DYRK1A: variants seen among roughly 807,000 people sequenced by gnomAD.
DYRK1A encodes dual specificity tyrosine phosphorylation regulated kinase 1A, also known as dual specificity tyrosine-phosphorylation-regulated kinase 1A.
Under a neutral mutation model 79.7 loss-of-function variants are expected in DYRK1A, and 9 were observed. The ratio of observed to expected loss-of-function variants is 0.11; its 90% CI spans 0.07 to 0.20. The LOEUF (loss-of-function observed/expected upper bound fraction) is 0.20. Ranked by LOEUF, DYRK1A falls within the 10% of genes least tolerant of loss-of-function variation. The pLI is 1.00. For missense variants in DYRK1A, 622 were observed against 956.0 expected (o/e 0.65, Z 4.61); for synonymous variants, 349 against 329.7 (o/e 1.06, Z -0.63).
intron 2 of DYRK1A, among the ~76,000 whole-genome samples, chr21:37,426,083 G>A (rs956264197): frequency 6.6e-6 from 1 of 152,168 alleles, no homozygotes; most frequent in African/African-American, 2.4e-5. Context: ...CTACACCAAG[G>A]AGACACTGCT....
In DYRK1A at chr21:37,480,663, G is replaced by T; in HGVS notation, c.326G>T (p.Arg109Ile). 6.3e-7 allele frequency: 1 copy of T among 1,592,884 alleles called. No individual in the cohort carries two copies. Among genetic ancestry groups the T allele is most frequent in the Non-Finnish European group, 8.5e-7 (1 of 1,173,650 alleles). The stretch of plus-strand genomic sequence containing the variant: ...GTTTACTATGCAAAAAAGAAGCGAA[G>T]ACACCAACAGGGCCAGGGAGACGAT... ...NEVYYAKKKR[R>I]HQQGQGDDSS... The change falls in exon 5 of 12, where the codon AGA becomes ATA. Residue 109 changes from arginine (R) to isoleucine (I), a missense_variant. Arg to Ile is a moderately conservative substitution (Grantham distance 97). Coordinates refer to ENST00000647188, the MANE Select transcript of DYRK1A (RefSeq NM_001347721.2).
At chr21:37,479,612 G>GTCTTTTTTT (rs2052542990) in intron 4 of DYRK1A, among the ~76,000 whole-genome samples, 1 of 47,160 alleles carries the variant, frequency 2.1e-5, no homozygotes, top group African/African-American at 8.6e-5. Flanking sequence ...TTTTGTTTTT[G>GTCTTTTTTT]TTTTTTGTTT....
intron 2 of DYRK1A, among the ~76,000 whole-genome samples, chr21:37,427,764 T>A (rs1297780599): frequency 6.6e-6 from 1 of 152,182 alleles, no homozygotes; most frequent in African/African-American, 2.4e-5. Flanking sequence ...TTCTGCACCC[T>A]AGGATCCTAG....
At chr21:37,420,025 G>C (rs907490172) in intron 1 of DYRK1A, 5 of 174,260 alleles carry the variant, frequency 2.9e-5, no homozygotes, top group African/African-American at 1.2e-4. Flanking sequence ...AGGTTTATTT[G>C]ATACCTAGAA....
At position 37,407,648 on chromosome 21, in the gene DYRK1A, C is replaced by T. The variant is rs951290563; in HGVS notation, c.-76-12651C>T. Among the ~76,000 whole-genome samples, 7 of 152,260 alleles carry T rather than the reference C, an allele frequency of 4.6e-5. No homozygotes were observed. The East Asian group carries it at 1.3e-3, about 29-fold the overall frequency. On this transcript the variant is annotated intron_variant, in intron 1 of 11. Transcript: ENST00000647188. The stretch of plus-strand genomic sequence containing the variant: ...AAATGAAATTGAAAATCTCTTAGCT[C>T]TAAGTATAACAAATTATGTGTTAAA...
At chr21:37,379,258 T>A (rs888342167) in intron 1 of DYRK1A, among the ~76,000 whole-genome samples, 2 of 152,138 alleles carry the variant, frequency 1.3e-5, no homozygotes, top group Non-Finnish European at 2.9e-5. Flanking sequence ...AGGACCATTC[T>A]AGATGTAATG....
rs569884633 is a variant in DYRK1A at position 37,444,932 on chromosome 21, G to A, written c.10+24548G>A. Among the ~76,000 whole-genome samples, 65 of 152,266 alleles carry A rather than the reference G, an allele frequency of 4.3e-4. No individual in the cohort carries two copies. The South Asian group carries it at 0.013, about 30-fold the overall frequency. ...GGTAGGTGCTACACCGAACATATTT[G>A]TAGGAAGAGGGGAAGTGACTGGGGC... On this transcript the variant is annotated intron_variant, in intron 2 of 11. Transcript: ENST00000647188.
At chr21:37,405,319 T>C (rs946331927) in intron 1 of DYRK1A, among the ~76,000 whole-genome samples, 2 of 152,176 alleles carry the variant, frequency 1.3e-5, no homozygotes, top group Non-Finnish European at 2.9e-5. Flanking sequence ...TTTTGTTCTT[T>C]TATCTATTTT....
intron 1 of DYRK1A, among the ~76,000 whole-genome samples, chr21:37,396,183 G>T (rs2049956518): frequency 6.6e-6 from 1 of 152,092 alleles, no homozygotes; most frequent in African/African-American, 2.4e-5. Context: ...TTGGTTTGTG[G>T]CTTTGGACTT....
intron 2 of DYRK1A, among the ~76,000 whole-genome samples, chr21:37,447,300 T>A (rs1484548225): frequency 1.3e-5 from 2 of 152,108 alleles, no homozygotes; most frequent in African/African-American, 4.8e-5. Context: ...ACACACCCCA[T>A]GTAACTTATA....
intron 7 of DYRK1A, among the ~76,000 whole-genome samples, chr21:37,492,615 G>A (rs952601342): frequency 6.6e-6 from 1 of 152,034 alleles, no homozygotes; most frequent in African/African-American, 2.4e-5. Context: ...ACATTGTTTG[G>A]GTTAATTTAA....
intron 2 of DYRK1A, chr21:37,430,379 G>A (rs2050743967): frequency 1.0e-6 from 1 of 985,240 alleles, no homozygotes. Flanking sequence ...AGTCATAGGA[G>A]AAATGTTACC....
At chr21:37,402,842 A>G (rs999165499) in intron 1 of DYRK1A, among the ~76,000 whole-genome samples, 1 of 152,078 alleles carries the variant, frequency 6.6e-6, no homozygotes, top group Non-Finnish European at 1.5e-5. Context: ...GGCTCACTGC[A>G]ACCTCTGCCT....
chr21:37,524,448 C>T lies in DYRK1A; in HGVS notation c.*11917C>T, dbSNP rs2148678687. On this transcript the variant is annotated 3_prime_UTR_variant, in exon 12 of 12. Coordinates refer to ENST00000647188, the MANE Select transcript of DYRK1A (RefSeq NM_001347721.2). ...ATGAAGCTACAACCAAAGTAAGTTTCAGATGGCTCATTTGTTAGCCAAGCA... is the reference window on the plus strand; with the variant it reads ...ATGAAGCTACAACCAAAGTAAGTTTTAGATGGCTCATTTGTTAGCCAAGCA... 6.6e-6 allele frequency: 1 copy of T among 152,322 alleles called. No individual in the cohort carries two copies. The highest frequency in any genetic ancestry group is 2.1e-4 in the South Asian group (1 of 4,828). 9.4% of individuals were successfully genotyped at this position (152,322 alleles called of 1,614,324 possible).
chr21:37,424,730 G>GT (rs1220316873), intron 2 of DYRK1A, among the ~76,000 whole-genome samples: 1 of 152,064 alleles, frequency 6.6e-6, no homozygotes, highest in African/African-American at 2.4e-5. Context: ...GCATTAAGTT[G>GT]TTTTTTAAAG....
chr21:37,475,545 T>C (rs2052366222), intron 3 of DYRK1A, among the ~76,000 whole-genome samples: 1 of 152,228 alleles, frequency 6.6e-6, no homozygotes, highest in South Asian at 2.1e-4. Context: ...AATGAAAGCA[T>C]AGGGAGTATT....
At chr21:37,457,465 C>A (rs1006702843) in intron 2 of DYRK1A, among the ~76,000 whole-genome samples, 2 of 152,054 alleles carry the variant, frequency 1.3e-5, no homozygotes, top group Admixed American at 6.6e-5. Flanking sequence ...TCGAACTCCT[C>A]GCCTCAAGTG....
intron 1 of DYRK1A, among the ~76,000 whole-genome samples, chr21:37,381,665 C>T (rs895684228): frequency 6.6e-6 from 1 of 152,012 alleles, no homozygotes; most frequent in South Asian, 2.1e-4. Flanking sequence ...TGTGGTGGTC[C>T]GCAGTCCAGC....
chr21:37,402,365 G>T (rs2050068538), intron 1 of DYRK1A, among the ~76,000 whole-genome samples: 1 of 152,066 alleles, frequency 6.6e-6, no homozygotes, highest in African/African-American at 2.4e-5. Context: ...GAGTTTGAAG[G>T]TTTTTTCACT....
Sources: allele counts gnomAD v4.1 joint callset (sites outside exome capture counted in the v4.1 genomes callset), GRCh38; gene constraint gnomAD v4.1.1; transcripts MANE v1.5; gene names NCBI Gene and HGNC (gene_info 2026-07-23, HGNC 2026-07-21).